CACNA1D: variants seen among roughly 807,000 people sequenced by gnomAD.
CACNA1D encodes calcium voltage-gated channel subunit alpha1 D.
Under a neutral mutation model 257.1 loss-of-function variants are expected in CACNA1D, and 55 were observed. The ratio of observed to expected loss-of-function variants is 0.21; its 90% CI spans 0.17 to 0.27. The LOEUF is 0.27. Among genes scored for constraint, CACNA1D ranks in the 10% least tolerant of loss-of-function variants. The pLI is 1.00. For synonymous variants in CACNA1D, 980 were observed against 1,014.9 expected (o/e 0.97, Z 0.65); for missense variants, 1,876 against 2,784.0 (o/e 0.67, Z 7.34).
In CACNA1D at chr3:53,730,310, T is replaced by C. The variant is rs925422122; in HGVS notation, c.2222-132T>C. 8 of 711,820 alleles carry C rather than the reference T, an allele frequency of 1.1e-5. No homozygotes were observed. The African/African-American group carries it at 1.2e-4, about 11-fold the overall frequency. 44.1% of individuals were successfully genotyped at this position (711,820 alleles called of 1,614,324 possible). A position where few individuals can be genotyped will look rare whatever the true frequency, so the allele number is the denominator to read the frequency against. The stretch of plus-strand genomic sequence containing the variant: ...CAGGGCTCTGGTACTCTAGTTTTGC[T>C]GTGTGAGTATAACACTTGGGACGGT... On this transcript the variant is annotated intron_variant, in intron 15 of 47. Transcript: ENST00000350061.
intron 3 of CACNA1D, among the ~76,000 whole-genome samples, chr3:53,623,960 A>G (rs1344733488): frequency 6.6e-6 from 1 of 152,198 alleles, no homozygotes; most frequent in Non-Finnish European, 1.5e-5. Flanking sequence ...AATTTAAAAT[A>G]TACAGAGTTC....
At position 53,495,645 on chromosome 3, in the gene CACNA1D, G is replaced by C. The variant is rs547184015; in HGVS notation, c.67+412G>C. 1.1e-3 allele frequency among the ~76,000 whole-genome samples: 170 copies of C among 152,332 alleles called. No homozygotes were observed. Among genetic ancestry groups the C allele is most frequent in the Non-Finnish European group, 1.9e-3 (129 of 68,016 alleles). ...TCCTCCCCCGCCCCCTCGTTGACTAGGAAGAAGGTCCCTGGTGGCATCCGG... is the reference window on the plus strand; with the variant it reads ...TCCTCCCCCGCCCCCTCGTTGACTACGAAGAAGGTCCCTGGTGGCATCCGG... On this transcript the variant is annotated intron_variant, in intron 1 of 47. Coordinates refer to ENST00000350061, the MANE Select transcript of CACNA1D (RefSeq NM_001128840.3). The surrounding 1 kb of genome is among the most constrained non-coding windows in gnomAD (Gnocchi z 5.1).
At chr3:53,641,839 A>G (rs1487756391) in intron 3 of CACNA1D, among the ~76,000 whole-genome samples, 1 of 152,176 alleles carries the variant, frequency 6.6e-6, no homozygotes, top group Non-Finnish European at 1.5e-5. Flanking sequence ...GGCCCTGTGT[A>G]TAGGGAACCA....
intron 3 of CACNA1D, among the ~76,000 whole-genome samples, chr3:53,648,402 C>A (rs2094045703): frequency 6.6e-6 from 1 of 152,100 alleles, no homozygotes; most frequent in Non-Finnish European, 1.5e-5. Flanking sequence ...AACAGAGTTC[C>A]TTTTTCTTTG....
At chr3:53,631,422 A>G (rs944826987) in intron 3 of CACNA1D, among the ~76,000 whole-genome samples, 6 of 152,122 alleles carry the variant, frequency 3.9e-5, no homozygotes, top group South Asian at 2.1e-4. Context: ...TCTACCTTCA[A>G]TCTTCACTTC....
chr3:53,499,999 AT>A (rs2090522321), intron 2 of CACNA1D, among the ~76,000 whole-genome samples: 1 of 152,198 alleles, frequency 6.6e-6, no homozygotes, highest in Non-Finnish European at 1.5e-5. Context: ...CTTAAAAAAA[AT>A]AAACCCATCA....
chr3:53,802,033 T>C, intron 42 of CACNA1D, 114 bp from the exon 43 acceptor site: 1 of 919,132 alleles, frequency 1.1e-6, no homozygotes, highest in Non-Finnish European at 1.8e-6. Flanking sequence ...GGATGGCGAA[T>C]CATAATTTGC....
At chr3:53,539,712 G>A (rs1374218320) in intron 3 of CACNA1D, among the ~76,000 whole-genome samples, 5 of 152,184 alleles carry the variant, frequency 3.3e-5, no homozygotes, top group Non-Finnish European at 4.4e-5. Context: ...CACCAACAGC[G>A]TGTGAGCATT....
At position 53,621,783 on chromosome 3, in the gene CACNA1D, G is replaced by A. The variant is rs1330503186; in HGVS notation, c.484-28996G>A. 2.0e-5 allele frequency among the ~76,000 whole-genome samples: 3 copies of A among 152,104 alleles called. No homozygotes were observed. The East Asian group carries it at 5.8e-4, about 29-fold the overall frequency. On this transcript the variant is annotated intron_variant, in intron 3 of 47. Transcript: ENST00000350061. Reference sequence around the variant, plus strand: ...ATGCAACACAATAATAAACAAGCGAGCGATTTTTTTAAATGGGCAGAAAAT... The same window carrying A: ...ATGCAACACAATAATAAACAAGCGAACGATTTTTTTAAATGGGCAGAAAAT...
intron 5 of CACNA1D, among the ~76,000 whole-genome samples, chr3:53,664,647 C>T (rs1469600050): frequency 5.3e-5 from 8 of 151,780 alleles, no homozygotes; most frequent in African/African-American, 9.7e-5. Context: ...CTCCCATGCC[C>T]ACCTGTGGAA....
intron 8 of CACNA1D, among the ~76,000 whole-genome samples, chr3:53,687,362 T>C (rs1287141894): frequency 6.6e-6 from 1 of 152,120 alleles, no homozygotes; most frequent in Non-Finnish European, 1.5e-5. Flanking sequence ...GATTTCAAAA[T>C]TTACTGTAAA....
chr3:53,582,207 T>C (rs2093144035), intron 3 of CACNA1D, among the ~76,000 whole-genome samples: 1 of 152,092 alleles, frequency 6.6e-6, no homozygotes, highest in African/African-American at 2.4e-5. Flanking sequence ...CCTCCCTTTT[T>C]GTGGTGTCTT....
intron 3 of CACNA1D, among the ~76,000 whole-genome samples, chr3:53,525,639 G>T (rs991183858): frequency 6.6e-6 from 1 of 152,058 alleles, no homozygotes; most frequent in Non-Finnish European, 1.5e-5. Context: ...GTCTGAAGGT[G>T]ACCTATATAA....
intron 2 of CACNA1D, among the ~76,000 whole-genome samples, chr3:53,500,432 C>CAAAA (rs34272886): frequency 1.8e-5 from 2 of 112,918 alleles, no homozygotes; most frequent in African/African-American, 3.4e-5. Context: ...GACCCCATCT[C>CAAAA]AAAAAAAAAA....
intron 3 of CACNA1D, among the ~76,000 whole-genome samples, chr3:53,573,738 C>G (rs922178880): frequency 6.6e-6 from 1 of 152,170 alleles, no homozygotes; most frequent in Non-Finnish European, 1.5e-5. Context: ...CACAGGCACT[C>G]TATACATGGT....
chr3:53,693,211 C>T (rs1420295233), intron 8 of CACNA1D, among the ~76,000 whole-genome samples: 2 of 152,280 alleles, frequency 1.3e-5, no homozygotes, highest in South Asian at 2.1e-4. Context: ...CTGTCCCAGG[C>T]CAGCTGTCTT....
chr3:53,636,707 G>A (rs2108163870), intron 3 of CACNA1D, among the ~76,000 whole-genome samples: 1 of 152,336 alleles, frequency 6.6e-6, no homozygotes, highest in South Asian at 2.1e-4. Context: ...ACAAAGCACT[G>A]AATTAATTTC....
chr3:53,675,313 T>C (rs2094364512), intron 8 of CACNA1D, among the ~76,000 whole-genome samples: 1 of 152,232 alleles, frequency 6.6e-6, no homozygotes, highest in Admixed American at 6.5e-5. Context: ...TCAGTGGCCT[T>C]AGGCTAGGGT....
intron 3 of CACNA1D, among the ~76,000 whole-genome samples, chr3:53,597,407 C>T (rs931999374): frequency 6.6e-6 from 1 of 152,194 alleles, no homozygotes; most frequent in Non-Finnish European, 1.5e-5. Flanking sequence ...CTCAAGACCA[C>T]AGCACCAGGA....
Sources: gnomAD v4.1 joint callset for allele counts (sites outside exome capture counted in the v4.1 genomes callset) on GRCh38, gnomAD v4.1.1 for gene constraint, Gnocchi (gnomAD v3.1) non-coding constraint, MANE v1.5 for transcripts, NCBI Gene and HGNC (gene_info 2026-07-23, HGNC 2026-07-21) for gene names.